NAALADL2: variants seen among roughly 807,000 people sequenced by gnomAD.
NAALADL2 encodes N-acetylated alpha-linked acidic dipeptidase like 2.
In NAALADL2, 76 loss-of-function variants were observed where a neutral mutation model predicts 87.2. The observed-to-expected ratio is 0.87, with a 90% confidence interval of 0.72 to 1.05. The LOEUF is 1.05. Ranked by LOEUF, NAALADL2 falls within the 50% of genes least tolerant of loss-of-function variation. The pLI, the probability that NAALADL2 is intolerant of heterozygous loss-of-function variation, is 0.00. For synonymous variants in NAALADL2, 354 were observed against 331.0 expected (o/e 1.07, Z -0.75); for missense variants, 1,089 against 945.8 (o/e 1.15, Z -1.99).
Position 175,809,435 on chromosome 3 carries a change from C to T in NAALADL2, c.*6232C>T, listed in dbSNP as rs1217352714. The stretch of plus-strand genomic sequence containing the variant: ...CTGAAAAGAAAAACCCTTTCTAGAA[C>T]ACTGTGCAGGACTAATTTTTTTTTA... On this transcript the variant is annotated 3_prime_UTR_variant, in exon 14 of 14. Transcript: ENST00000454872. 2 of 125,214 alleles carry T rather than the reference C, an allele frequency of 1.6e-5. No individual in the cohort carries two copies. The highest frequency in any genetic ancestry group is 3.2e-5 in the Non-Finnish European group (2 of 63,244). The allele number at this position is 125,214 out of a possible 1,614,324, so 7.8% of individuals were successfully genotyped here.
intron 1 of NAALADL2, among the ~76,000 whole-genome samples, chr3:174,964,962 A>G (rs1222121572): frequency 6.6e-6 from 1 of 152,104 alleles, no homozygotes; most frequent in Non-Finnish European, 1.5e-5. Flanking sequence ...AGGTGGTTGT[A>G]TTACTTATGT....
intron 2 of NAALADL2, among the ~76,000 whole-genome samples, chr3:174,669,460 G>A (rs1726309102): frequency 6.6e-6 from 1 of 151,956 alleles, no homozygotes; most frequent in African/African-American, 2.4e-5. Flanking sequence ...GTTACATGTG[G>A]CTATCCAGTT....
chr3:174,640,722 C>T (rs1046550338), intron 2 of NAALADL2, among the ~76,000 whole-genome samples: 3 of 152,186 alleles, frequency 2.0e-5, no homozygotes, highest in Non-Finnish European at 2.9e-5. Context: ...GCCTTTGCAT[C>T]TGCATGAGCT....
At chr3:175,670,531 T>A (rs13065206) in intron 11 of NAALADL2, among the ~76,000 whole-genome samples, 10 of 111,010 alleles carry the variant, frequency 9.0e-5, no homozygotes, top group South Asian at 2.9e-4. Flanking sequence ...TAAATGTAAA[T>A]TTAATTATAT....
intron 2 of NAALADL2, among the ~76,000 whole-genome samples, chr3:174,622,918 C>T (rs1355857519): frequency 5.3e-5 from 8 of 152,144 alleles, no homozygotes; most frequent in African/African-American, 1.7e-4. Context: ...TGGCAGGCAC[C>T]TATAGTCCCA....
chr3:174,703,591 A>G (rs1370307643), intron 2 of NAALADL2, among the ~76,000 whole-genome samples: 2 of 152,092 alleles, frequency 1.3e-5, no homozygotes, highest in Non-Finnish European at 2.9e-5. Flanking sequence ...GAAGTATATA[A>G]TTAGAGGATC....
At chr3:174,950,343 A>G (rs1038409221) in intron 1 of NAALADL2, among the ~76,000 whole-genome samples, 1 of 152,062 alleles carries the variant, frequency 6.6e-6, no homozygotes, top group Non-Finnish European at 1.5e-5. Flanking sequence ...AGAATCACAA[A>G]TTTTGGTTGT....
At chr3:175,113,770 G>T (rs535568506) in intron 2 of NAALADL2, among the ~76,000 whole-genome samples, 1 of 151,552 alleles carries the variant, frequency 6.6e-6, no homozygotes, top group East Asian at 2.0e-4. Context: ...TTTTTATGCT[G>T]GACAATAAGC....
intron 2 of NAALADL2, among the ~76,000 whole-genome samples, chr3:175,139,739 T>C (rs936008200): frequency 6.6e-6 from 1 of 152,190 alleles, no homozygotes; most frequent in Non-Finnish European, 1.5e-5. Flanking sequence ...ATTTGAAGAT[T>C]GCATTAGTTT....
At chr3:174,864,460 C>T (rs60688466) in intron 1 of NAALADL2, among the ~76,000 whole-genome samples, 3,518 of 151,970 alleles carry the variant, frequency 0.023, 110 homozygotes, top group African/African-American at 0.068. Flanking sequence ...TGTTTAATCC[C>T]CTTTGATTTA....
At chr3:175,751,305 T>C (rs1303362614) in intron 12 of NAALADL2, among the ~76,000 whole-genome samples, 1 of 151,974 alleles carries the variant, frequency 6.6e-6, no homozygotes, top group African/African-American at 2.4e-5. Context: ...AAAATAAAAT[T>C]AGAAATCCTT....
intron 1 of NAALADL2, among the ~76,000 whole-genome samples, chr3:174,892,727 G>A (rs180894604): frequency 5.9e-5 from 9 of 151,710 alleles, no homozygotes; most frequent in African/African-American, 1.7e-4. Flanking sequence ...AGTTCGAGAC[G>A]ACCCTGGGCA....
At chr3:174,923,848 C>A (rs559862811) in intron 1 of NAALADL2, among the ~76,000 whole-genome samples, 4 of 152,120 alleles carry the variant, frequency 2.6e-5, no homozygotes, top group African/African-American at 9.6e-5. Flanking sequence ...GAATACAGAA[C>A]CTCAATTTGT....
chr3:174,608,017 C>A (rs1578297962), intron 2 of NAALADL2, among the ~76,000 whole-genome samples: 1 of 152,076 alleles, frequency 6.6e-6, no homozygotes, highest in East Asian at 1.9e-4. Flanking sequence ...GAAACTCACT[C>A]AAAACTGCTC....
intron 3 of NAALADL2, among the ~76,000 whole-genome samples, chr3:175,239,305 T>C (rs1746432987): frequency 6.6e-6 from 1 of 152,192 alleles, no homozygotes; most frequent in Admixed American, 6.5e-5. Context: ...GTGATTTGTA[T>C]TTTTCTTAAA....
chr3:174,899,246 A>G (rs920627881), intron 1 of NAALADL2, among the ~76,000 whole-genome samples: 1 of 152,182 alleles, frequency 6.6e-6, no homozygotes, highest in Non-Finnish European at 1.5e-5. Flanking sequence ...TAGAGAAGAA[A>G]GACATGAAAG....
intron 9 of NAALADL2, among the ~76,000 whole-genome samples, chr3:175,552,208 T>A (rs1344323574): frequency 6.6e-6 from 1 of 152,116 alleles, no homozygotes; most frequent in Non-Finnish European, 1.5e-5. Context: ...AAATATTTGT[T>A]AAGTAGTGAT....
chr3:174,970,771 G>A (rs1293013259), intron 1 of NAALADL2, among the ~76,000 whole-genome samples: 1 of 152,078 alleles, frequency 6.6e-6, no homozygotes, highest in South Asian at 2.1e-4. Context: ...GCTATGATAT[G>A]GTCTAAATCA....
At chr3:175,015,909 T>A (rs899199474) in intron 1 of NAALADL2, among the ~76,000 whole-genome samples, 3 of 151,914 alleles carry the variant, frequency 2.0e-5, no homozygotes, top group Non-Finnish European at 4.4e-5. Context: ...AAAAATCATG[T>A]GTTTAACTTA....
Sources: gnomAD v4.1 joint callset for allele counts (sites outside exome capture counted in the v4.1 genomes callset) on GRCh38, gnomAD v4.1.1 for gene constraint, MANE v1.5 for transcripts, NCBI Gene and HGNC (gene_info 2026-07-23, HGNC 2026-07-21) for gene names.